Variants in SSX2IP observed in about 807,000 individuals in gnomAD.
The protein encoded by SSX2IP is SSX family member 2 interacting protein, also known as afadin- and alpha-actinin-binding protein.
A neutral mutation model predicts 84.9 loss-of-function variants in SSX2IP; 55 were observed. That is an observed-to-expected ratio of 0.65 (90% CI 0.52 to 0.81). SSX2IP has a LOEUF of 0.81. Ranked by LOEUF, SSX2IP falls within the 30% of genes least tolerant of loss-of-function variation. SSX2IP has a pLI of 0.00. For synonymous variants in SSX2IP, 239 were observed against 234.7 expected (o/e 1.02, Z -0.17); for missense variants, 664 against 705.2 (o/e 0.94, Z 0.66).
At chr1:84,668,928 A>C (rs1653128487) in intron 4 of SSX2IP, among the ~76,000 whole-genome samples, 1 of 152,136 alleles carries the variant, frequency 6.6e-6, no homozygotes, top group Admixed American at 6.6e-5. Context: ...CCAATATAGA[A>C]TTGTATATTT....
chr1:84,677,456 T>C (rs1654522590), intron 1 of SSX2IP, among the ~76,000 whole-genome samples: 2 of 152,174 alleles, frequency 1.3e-5, no homozygotes. Context: ...TACACAACAA[T>C]ACCTTGTAGA....
rs1390378091 is a variant in SSX2IP at position 84,646,221 on chromosome 1, A to C, written c.*1212T>G. On this transcript the variant is annotated 3_prime_UTR_variant, in exon 14 of 14. Coordinates refer to ENST00000342203, the MANE Select transcript of SSX2IP (RefSeq NM_001166293.2). Reference sequence around the variant, plus strand: ...TAGGCACTTAAAGCTTTTTGATGAAAATCCTGGGAAAGAGCTGAGCCTACA... The same window carrying C: ...TAGGCACTTAAAGCTTTTTGATGAACATCCTGGGAAAGAGCTGAGCCTACA... 6.6e-6 allele frequency: 1 copy of C among 152,538 alleles called. No homozygotes were observed. Among genetic ancestry groups the C allele is most frequent in the Non-Finnish European group, 1.5e-5 (1 of 68,018 alleles). 9.4% of individuals were successfully genotyped at this position (152,538 alleles called of 1,614,324 possible).
At chr1:84,685,497 T>G (rs1262132416) in intron 1 of SSX2IP, among the ~76,000 whole-genome samples, 3 of 152,194 alleles carry the variant, frequency 2.0e-5, no homozygotes, top group African/African-American at 7.2e-5. Context: ...ACGCTAGCCC[T>G]AGGAAGGAGT....
intron 12 of SSX2IP, among the ~76,000 whole-genome samples, chr1:84,651,062 T>C (rs1167292644): frequency 6.6e-6 from 1 of 152,138 alleles, no homozygotes; most frequent in Admixed American, 6.5e-5. Flanking sequence ...ACACCTGTAA[T>C]CCTAGCACTT....
intron 1 of SSX2IP, among the ~76,000 whole-genome samples, chr1:84,672,045 A>C (rs902043469): frequency 6.6e-6 from 1 of 152,226 alleles, no homozygotes; most frequent in Non-Finnish European, 1.5e-5. Context: ...GCAAACAAAC[A>C]GCCAAAACTA....
chr1:84,658,534 G>C, intron 8 of SSX2IP, 66 bp from the exon 9 acceptor site: 1 of 1,501,422 alleles, frequency 6.7e-7, no homozygotes. Context: ...GCTCAGGCAA[G>C]TAGTCTTCAG....
intron 1 of SSX2IP, among the ~76,000 whole-genome samples, chr1:84,677,226 C>G (rs1360900659): frequency 6.6e-6 from 1 of 152,138 alleles, no homozygotes; most frequent in Non-Finnish European, 1.5e-5. Flanking sequence ...TAAGTTGAGG[C>G]ATACTTGTAA....
chr1:84,674,439 G>T (rs1654018900), intron 1 of SSX2IP, among the ~76,000 whole-genome samples: 1 of 152,098 alleles, frequency 6.6e-6, no homozygotes, highest in Non-Finnish European at 1.5e-5. Flanking sequence ...AACACAGTAA[G>T]CAGTGAGCTA....
In SSX2IP at chr1:84,664,447, G is replaced by GC; in HGVS notation, c.642_643insG (p.Leu215AlafsTer8). The stretch of plus-strand genomic sequence containing the variant: ...TTCTTATCTTTCTTGTTCATAACAA[G>GC]TTGATGTAGACGTTCCTTCAGTTTA... On this transcript the variant is annotated frameshift_variant, in exon 6 of 14. Transcript: ENST00000342203. LOFTEE classifies it high-confidence loss of function. 1 of 1,598,958 alleles carries GC rather than the reference G, an allele frequency of 6.3e-7. No individual in the cohort carries two copies. The highest frequency in any genetic ancestry group is 8.5e-7 in the Non-Finnish European group (1 of 1,174,906).
intron 1 of SSX2IP, among the ~76,000 whole-genome samples, chr1:84,675,781 A>C (rs527904365): frequency 6.6e-6 from 1 of 152,282 alleles, no homozygotes; most frequent in South Asian, 2.1e-4. Context: ...CTTCCCTCTC[A>C]CATGTAAATT....
At chr1:84,658,965 T>C (rs932446916) in intron 8 of SSX2IP, among the ~76,000 whole-genome samples, 16 of 144,312 alleles carry the variant, frequency 1.1e-4, no homozygotes, top group African/African-American at 3.5e-4. Flanking sequence ...CTTTTTTATA[T>C]AACGGGAGAT....
intron 11 of SSX2IP, among the ~76,000 whole-genome samples, chr1:84,653,464 C>T (rs1179097686): frequency 6.6e-6 from 1 of 152,206 alleles, no homozygotes; most frequent in African/African-American, 2.4e-5. Flanking sequence ...TCCCATCCCT[C>T]ACTATGCCCA....
intron 13 of SSX2IP, among the ~76,000 whole-genome samples, chr1:84,649,468 T>C (rs887433299): frequency 9.2e-5 from 14 of 152,206 alleles, no homozygotes; most frequent in African/African-American, 2.9e-4. Flanking sequence ...TTCTCCTCCT[T>C]CTTTTAAAAG....
At chr1:84,659,382 C>T (rs542675289) in intron 8 of SSX2IP, among the ~76,000 whole-genome samples, 21 of 152,238 alleles carry the variant, frequency 1.4e-4, no homozygotes, top group East Asian at 3.9e-4. Flanking sequence ...GCCCAGGATC[C>T]GGCTCATGGT....
chr1:84,670,621 A>T, intron 3 of SSX2IP, 25 bp downstream of exon 3: 1 of 1,489,854 alleles, frequency 6.7e-7, no homozygotes, highest in Non-Finnish European at 9.2e-7. Context: ...GATTTATGCT[A>T]CTGTTTTTTA....
At chr1:84,663,272 T>C (rs1652293350) in intron 6 of SSX2IP, among the ~76,000 whole-genome samples, 1 of 152,218 alleles carries the variant, frequency 6.6e-6, no homozygotes, top group Non-Finnish European at 1.5e-5. Flanking sequence ...CACTTCCGAT[T>C]GGACCAGGAA....
At chr1:84,662,045 T>C (rs1480362148) in intron 8 of SSX2IP, among the ~76,000 whole-genome samples, 153 bp downstream of exon 8, 1 of 152,184 alleles carries the variant, frequency 6.6e-6, no homozygotes, top group East Asian at 1.9e-4. Flanking sequence ...ATAGGAACAG[T>C]CTTTTCAGTT....
chr1:84,661,039 C>T (rs1231067104), intron 8 of SSX2IP, among the ~76,000 whole-genome samples: 2 of 142,692 alleles, frequency 1.4e-5, no homozygotes, highest in Admixed American at 1.5e-4. Context: ...TGCGCTCCAG[C>T]CTGGCAACAG....
At chr1:84,689,373 C>T (rs1439827311) in intron 1 of SSX2IP, among the ~76,000 whole-genome samples, 1 of 152,134 alleles carries the variant, frequency 6.6e-6, no homozygotes, top group Non-Finnish European at 1.5e-5. Context: ...TCCATGACAT[C>T]CATCACCCAC....
Sources: allele counts gnomAD v4.1 joint callset (sites outside exome capture counted in the v4.1 genomes callset), GRCh38; gene constraint gnomAD v4.1.1; transcripts MANE v1.5; gene names NCBI Gene and HGNC (gene_info 2026-07-23, HGNC 2026-07-21).